The following PPP2R2C variants were observed in gnomAD, a reference collection of about 807,000 sequenced individuals.
PPP2R2C encodes the protein protein phosphatase 2, regulatory subunit B, gamma.
Under a neutral mutation model 45.3 loss-of-function variants are expected in PPP2R2C, and 10 were observed. The ratio of observed to expected loss-of-function variants is 0.22; its 90% CI spans 0.14 to 0.37. The LOEUF (loss-of-function observed/expected upper bound fraction) is 0.37, where lower values mean the gene tolerates loss of function less well. PPP2R2C is among the 10% of genes least tolerant of loss of function. The pLI is 1.00. For synonymous variants in PPP2R2C, 257 were observed against 245.4 expected, an observed-to-expected ratio of 1.05 and a Z score of -0.44; for missense variants, 308 against 619.7, an observed-to-expected ratio of 0.50 and a Z score of 5.34.
intron 2 of PPP2R2C, among the ~76,000 whole-genome samples, chr4:6,502,371 T>C (rs1723087371): frequency 6.6e-6 from 1 of 152,084 alleles, no homozygotes; most frequent in Admixed American, 6.5e-5. Context: ...GGTGCAGCTG[T>C]GTGGACTGAA....
At chr4:6,447,044 A>T (rs1560553746) in intron 1 of PPP2R2C, among the ~76,000 whole-genome samples, 1 of 152,160 alleles carries the variant, frequency 6.6e-6, no homozygotes, top group Admixed American at 6.5e-5. Flanking sequence ...AGGTCCTGCC[A>T]GGAAGCTGTG....
chr4:6,503,960 A>T (rs920636122), intron 2 of PPP2R2C, among the ~76,000 whole-genome samples: 3 of 152,340 alleles, frequency 2.0e-5, no homozygotes, highest in Non-Finnish European at 2.9e-5. Context: ...GCAGGTGGGT[A>T]CTGGAGGGGC....
chr4:6,420,612 C>T (rs564794679), intron 1 of PPP2R2C, among the ~76,000 whole-genome samples: 8 of 152,138 alleles, frequency 5.3e-5, no homozygotes, highest in African/African-American at 1.9e-4. Context: ...GGAAAGGGAA[C>T]CACTGTTGGT....
chr4:6,541,756 C>T (rs1274612854), intron 1 of PPP2R2C, among the ~76,000 whole-genome samples: 1 of 152,186 alleles, frequency 6.6e-6, no homozygotes, highest in Non-Finnish European at 1.5e-5. Context: ...TCTCAAACTC[C>T]TAGCCTCAAG....
intron 1 of PPP2R2C, among the ~76,000 whole-genome samples, chr4:6,412,397 G>GGC (rs1718250116): frequency 6.6e-6 from 1 of 152,142 alleles, no homozygotes; most frequent in South Asian, 2.1e-4. Flanking sequence ...AGAAAAATGA[G>GGC]ACCCTGGAAG....
chr4:6,479,396 A>G (rs1722272107), intron 2 of PPP2R2C, among the ~76,000 whole-genome samples: 1 of 152,172 alleles, frequency 6.6e-6, no homozygotes, highest in South Asian at 2.1e-4. Context: ...GTGAAATGAT[A>G]AGACGAAAGC....
chr4:6,414,739 A>G (rs1256812136), intron 1 of PPP2R2C, among the ~76,000 whole-genome samples: 1 of 149,370 alleles, frequency 6.7e-6, no homozygotes, highest in Non-Finnish European at 1.5e-5. Context: ...AGGGAGGAAC[A>G]GGGGGTGGGA....
chr4:6,410,453 C>A (rs1305703057), intron 1 of PPP2R2C, among the ~76,000 whole-genome samples: 1 of 152,138 alleles, frequency 6.6e-6, no homozygotes, highest in African/African-American at 2.4e-5. Flanking sequence ...AGAGCAGAGA[C>A]CCCATGCACC....
intron 1 of PPP2R2C, among the ~76,000 whole-genome samples, chr4:6,542,194 C>T (rs150516346): frequency 5.3e-5 from 8 of 152,240 alleles, no homozygotes; most frequent in Non-Finnish European, 1.0e-4. Context: ...GGTCGCCCAA[C>T]AATAACCCCT....
chr4:6,423,798 T>C (rs1454213651), intron 1 of PPP2R2C, among the ~76,000 whole-genome samples: 2 of 152,130 alleles, frequency 1.3e-5, no homozygotes, highest in Non-Finnish European at 2.9e-5. Context: ...GGTAGTGGTA[T>C]GAGCAGAGGC....
At chr4:6,456,339 G>A (rs1417465929) in intron 1 of PPP2R2C, among the ~76,000 whole-genome samples, 4 of 142,238 alleles carry the variant, frequency 2.8e-5, no homozygotes, top group Non-Finnish European at 3.0e-5. Context: ...CTGTCTACAC[G>A]TTCAAACGTT....
At position 6,342,843 on chromosome 4, in the gene PPP2R2C, G is replaced by A. The variant is rs547485967; in HGVS notation, c.790+5003C>T. Among the ~76,000 whole-genome samples, 5 of 152,338 alleles carry A rather than the reference G, an allele frequency of 3.3e-5. No individual in the cohort carries two copies. The East Asian group carries it at 9.6e-4, about 29-fold the overall frequency. ...TGCCCCCAGCTCTGCCCTGATAGAGGAGGGGTCCAGGGAAGTCACAGAGCT... is the reference window on the plus strand; with the variant it reads ...TGCCCCCAGCTCTGCCCTGATAGAGAAGGGGTCCAGGGAAGTCACAGAGCT... On this transcript the variant is annotated intron_variant, in intron 6 of 8. Transcript: ENST00000382599.
At chr4:6,387,032 T>A (rs141424093) in intron 1 of PPP2R2C, among the ~76,000 whole-genome samples, 1 of 152,206 alleles carries the variant, frequency 6.6e-6, no homozygotes, top group East Asian at 1.9e-4. Flanking sequence ...ATGATTTCAA[T>A]AGAAATTACC....
intron 5 of PPP2R2C, chr4:6,350,330 A>T: frequency 7.1e-6 from 7 of 985,430 alleles, no homozygotes; most frequent in Non-Finnish European, 8.4e-6. Context: ...ACTGAACTTC[A>T]CTAAAGTGGG....
intron 1 of PPP2R2C, among the ~76,000 whole-genome samples, chr4:6,449,230 G>GA (rs958997729): frequency 2.6e-5 from 4 of 152,050 alleles, no homozygotes; most frequent in Admixed American, 6.5e-5. Flanking sequence ...TGCGAAACGG[G>GA]AAAAAAACAA....
chr4:6,363,406 G>A (rs968636355), intron 5 of PPP2R2C, among the ~76,000 whole-genome samples: 12 of 151,928 alleles, frequency 7.9e-5, no homozygotes, highest in African/African-American at 2.4e-4. Context: ...GTGAAACCCC[G>A]TCTCTACTAA....
rs1482196061 is a variant in PPP2R2C, at chr4:6,321,677, A to AT, written c.*1624_*1625insA. 6.8e-6 allele frequency: 1 copy of AT among 146,402 alleles called. No individual in the cohort carries two copies. Among genetic ancestry groups the AT allele is most frequent in the Non-Finnish European group, 1.5e-5 (1 of 66,286 alleles). The allele number at this position is 146,402 out of a possible 1,614,324, so 9.1% of individuals were successfully genotyped here. A position where few individuals can be genotyped will look rare whatever the true frequency, so the allele number is the denominator to read the frequency against. ...CAAAACAAAACAAAACCAAAAAAAA[A>AT]GTTTGGATTTGGCTGGGTCTCTGCT... On this transcript the variant is annotated 3_prime_UTR_variant, in exon 9 of 9. Coordinates refer to ENST00000382599, the MANE Select transcript of PPP2R2C (RefSeq NM_020416.4).
intron 1 of PPP2R2C, chr4:6,384,210 C>A (rs1716060843): frequency 1.1e-5 from 11 of 985,336 alleles, no homozygotes; most frequent in Non-Finnish European, 1.3e-5. Context: ...GTGCTAGGGT[C>A]CCCGATGGGG....
chr4:6,506,717 G>C (rs900781346), intron 2 of PPP2R2C, among the ~76,000 whole-genome samples: 59 of 152,352 alleles, frequency 3.9e-4, no homozygotes, highest in African/African-American at 1.3e-3. Flanking sequence ...ACTGGGCTTA[G>C]CTGAGCTGTT....
Sources: allele counts gnomAD v4.1 joint callset (sites outside exome capture counted in the v4.1 genomes callset), GRCh38; gene constraint gnomAD v4.1.1; transcripts MANE v1.5; gene names NCBI Gene and HGNC (gene_info 2026-07-23, HGNC 2026-07-21).